Variants in TMTC2 observed in about 807,000 individuals in gnomAD.
The protein encoded by TMTC2 is transmembrane O-mannosyltransferase targeting cadherins 2, also known as protein O-mannosyl-transferase TMTC2.
In TMTC2, 43 loss-of-function variants were observed where a neutral mutation model predicts 82.4. The observed-to-expected ratio is 0.52, with a 90% CI of 0.41 to 0.67. TMTC2 has a LOEUF of 0.67. TMTC2 is among the 30% of genes least tolerant of loss of function. The pLI is 0.00. For synonymous variants in TMTC2, 408 were observed against 381.9 expected (o/e 1.07, Z -0.80); for missense variants, 919 against 1,012.4 (o/e 0.91, Z 1.25).
intron 7 of TMTC2, among the ~76,000 whole-genome samples, chr12:82,983,410 A>G (rs1214625505): frequency 1.3e-5 from 2 of 152,042 alleles, no homozygotes; most frequent in Non-Finnish European, 2.9e-5. Context: ...TCTTACTGAA[A>G]AAAATGGACC....
At chr12:82,826,671 G>A (rs973633892) in intron 1 of TMTC2, among the ~76,000 whole-genome samples, 2 of 152,104 alleles carry the variant, frequency 1.3e-5, no homozygotes, top group African/African-American at 4.8e-5. Context: ...CTTAATTACT[G>A]GCTGGACTGA....
chr12:82,738,719 A>G (rs770927279), intron 1 of TMTC2, among the ~76,000 whole-genome samples: 20 of 152,364 alleles, frequency 1.3e-4, no homozygotes, highest in Non-Finnish European at 2.8e-4. Context: ...AAATATTTAA[A>G]AATTTTGAGG....
chr12:82,871,932 C>CGTGTGGT (rs1418226021), intron 2 of TMTC2, among the ~76,000 whole-genome samples: 1 of 151,524 alleles, frequency 6.6e-6, no homozygotes, highest in African/African-American at 2.4e-5. Context: ...GATTTACATT[C>CGTGTGGT]GTGTGGTAAC....
At chr12:82,828,374 C>T (rs892002684) in intron 1 of TMTC2, among the ~76,000 whole-genome samples, 2 of 151,960 alleles carry the variant, frequency 1.3e-5, no homozygotes, top group Non-Finnish European at 2.9e-5. Context: ...CCACCATTCC[C>T]GGCTATGTAG....
rs191387278 is a variant in TMTC2, at chr12:82,930,775, G to T, written c.1598+230G>T. On this transcript the variant is annotated intron_variant, in intron 4 of 11. Transcript: ENST00000321196. ...TATGTTATGCCTGAATTTTTTGGAA[G>T]TAGTATGCCATGTAACATAAATATT... 2.6e-5 allele frequency among the ~76,000 whole-genome samples: 4 copies of T among 152,240 alleles called. No individual in the cohort carries two copies. The East Asian group carries it at 7.7e-4, about 29-fold the overall frequency.
At chr12:82,695,096 A>C (rs1872727737) in intron 1 of TMTC2, among the ~76,000 whole-genome samples, 1 of 152,184 alleles carries the variant, frequency 6.6e-6, no homozygotes, top group Admixed American at 6.5e-5. Flanking sequence ...TGACATTTTG[A>C]ACAGTGTTAA....
chr12:82,925,191 T>C (rs1875629308), intron 3 of TMTC2, among the ~76,000 whole-genome samples: 1 of 152,200 alleles, frequency 6.6e-6, no homozygotes, highest in Admixed American at 6.5e-5. Flanking sequence ...TTACTTTATT[T>C]TACATTATTT....
intron 1 of TMTC2, among the ~76,000 whole-genome samples, chr12:82,691,640 GAA>G (rs1592851134): frequency 6.6e-6 from 1 of 151,948 alleles, no homozygotes; most frequent in African/African-American, 2.4e-5. Flanking sequence ...GGTATGATAG[GAA>G]TCCCTCGTGA....
intron 1 of TMTC2, among the ~76,000 whole-genome samples, chr12:82,802,344 G>A (rs1013381902): frequency 6.6e-6 from 1 of 152,146 alleles, no homozygotes; most frequent in East Asian, 1.9e-4. Flanking sequence ...ACACCTCCCC[G>A]CAAGCTGAGG....
chr12:82,981,566 T>C (rs1000984032), intron 7 of TMTC2, among the ~76,000 whole-genome samples: 1 of 151,956 alleles, frequency 6.6e-6, no homozygotes, highest in Non-Finnish European at 1.5e-5. Flanking sequence ...CTCATTCTTA[T>C]GAAAGTACCT....
chr12:82,790,026 AC>A (rs1352870127), intron 1 of TMTC2, among the ~76,000 whole-genome samples: 1 of 152,002 alleles, frequency 6.6e-6, no homozygotes, highest in Non-Finnish European at 1.5e-5. Context: ...ACATAGTGAG[AC>A]CTCATCTCTA....
chr12:83,102,121 G>A (rs1318393889), intron 11 of TMTC2, among the ~76,000 whole-genome samples: 1 of 152,180 alleles, frequency 6.6e-6, no homozygotes, highest in African/African-American at 2.4e-5. Context: ...CCCGTAAGGT[G>A]CAAATATGCC....
At chr12:82,785,356 A>AC (rs150549652) in intron 1 of TMTC2, among the ~76,000 whole-genome samples, 8,753 of 123,660 alleles carry the variant, frequency 0.071, 372 homozygotes, top group African/African-American at 0.14. Context: ...TAAACAAACA[A>AC]CCCCCCCCCG....
chr12:83,047,179 G>A (rs546258496), intron 9 of TMTC2, among the ~76,000 whole-genome samples: 2 of 152,286 alleles, frequency 1.3e-5, no homozygotes, highest in South Asian at 4.2e-4. Flanking sequence ...TAGTTTGAAG[G>A]GGCTAGTGTC....
chr12:82,753,883 A>G (rs1290826158), intron 1 of TMTC2, among the ~76,000 whole-genome samples: 1 of 152,242 alleles, frequency 6.6e-6, no homozygotes, highest in East Asian at 1.9e-4. Flanking sequence ...AGCGTACTAT[A>G]TTAATTGGAA....
intron 7 of TMTC2, among the ~76,000 whole-genome samples, chr12:82,969,113 C>A (rs1434565846): frequency 1.3e-5 from 2 of 152,044 alleles, no homozygotes; most frequent in East Asian, 3.9e-4. Context: ...TTTTGATTAG[C>A]CTCCATTTGA....
chr12:82,863,175 A>C (rs77868389), intron 2 of TMTC2, among the ~76,000 whole-genome samples: 1 of 151,814 alleles, frequency 6.6e-6, no homozygotes, highest in African/African-American at 2.4e-5. Flanking sequence ...CCCAATATCA[A>C]TTGCATTGAA....
chr12:83,113,249 A>G (rs1219823619), intron 11 of TMTC2, among the ~76,000 whole-genome samples: 3 of 152,206 alleles, frequency 2.0e-5, no homozygotes, highest in African/African-American at 7.2e-5. Flanking sequence ...GAGAAGAGAT[A>G]AGACATTGGT....
chr12:82,908,141 C>A (rs923585399), intron 3 of TMTC2, among the ~76,000 whole-genome samples: 1 of 151,994 alleles, frequency 6.6e-6, no homozygotes, highest in Non-Finnish European at 1.5e-5. Context: ...CCTAACATTT[C>A]TTTACTTTTA....
Sources: allele counts gnomAD v4.1 joint callset (sites outside exome capture counted in the v4.1 genomes callset), GRCh38; gene constraint gnomAD v4.1.1; transcripts MANE v1.5; gene names NCBI Gene and HGNC (gene_info 2026-07-23, HGNC 2026-07-21).